CDH4: variants seen among roughly 807,000 people sequenced by gnomAD.
CDH4 encodes the protein cadherin-4.
Under a neutral mutation model 86.0 loss-of-function variants are expected in CDH4, and 33 were observed. That is an observed-to-expected ratio of 0.38 (90% CI 0.29 to 0.51). CDH4 has a LOEUF of 0.51. Ranked by LOEUF, CDH4 falls within the 20% of genes least tolerant of loss-of-function variation. The pLI, the probability that CDH4 is intolerant of heterozygous loss-of-function variation, is 0.86. For synonymous variants in CDH4, 555 were observed against 549.4 expected (o/e 1.01, Z -0.14); for missense variants, 1,114 against 1,307.4 (o/e 0.85, Z 2.28).
At chr20:61,920,497 C>T (rs1399601114) in intron 9 of CDH4, among the ~76,000 whole-genome samples, 2 of 146,784 alleles carry the variant, frequency 1.4e-5, no homozygotes, top group East Asian at 2.1e-4. Flanking sequence ...TGTGTGGAAG[C>T]GTGTCATGGT....
chr20:61,520,885 G>T (rs1461073564), intron 2 of CDH4, among the ~76,000 whole-genome samples: 1 of 152,224 alleles, frequency 6.6e-6, no homozygotes. Flanking sequence ...AGTTCAAACA[G>T]GCAACCGCAC....
At chr20:61,723,873 C>CAACAGGTGGGGTGGGTCCCCATACAGGG (rs1568778658) in intron 2 of CDH4, among the ~76,000 whole-genome samples, 1 of 151,726 alleles carries the variant, frequency 6.6e-6, no homozygotes, top group African/African-American at 2.4e-5. Flanking sequence ...CGGCTCCATG[C>CAACAGGTGGGGTGGGTCCCCATACAGGG]GGCAGGTGGG....
At chr20:61,859,699 A>G (rs1983229439) in intron 6 of CDH4, among the ~76,000 whole-genome samples, 1 of 152,220 alleles carries the variant, frequency 6.6e-6, no homozygotes, top group Non-Finnish European at 1.5e-5. Context: ...CAGGACATCC[A>G]TTGGGCACAT....
At chr20:61,316,381 T>C (rs549512735) in intron 2 of CDH4, among the ~76,000 whole-genome samples, 1 of 152,212 alleles carries the variant, frequency 6.6e-6, no homozygotes, top group Admixed American at 6.5e-5. Flanking sequence ...AGTTGAAGGC[T>C]CTAACAAGTT....
At chr20:61,454,264 C>T (rs1031304976) in intron 2 of CDH4, among the ~76,000 whole-genome samples, 1 of 152,132 alleles carries the variant, frequency 6.6e-6, no homozygotes, top group African/African-American at 2.4e-5. Context: ...GGAGTTTATA[C>T]TCAAGACGGG....
intron 2 of CDH4, chr20:61,739,041 G>C (rs1287384399): frequency 2.6e-5 from 4 of 152,316 alleles, no homozygotes; most frequent in African/African-American, 9.6e-5. Flanking sequence ...CTGGTACATC[G>C]AGGGAAAAGT....
chr20:61,485,919 A>G (rs1258789781), intron 2 of CDH4, among the ~76,000 whole-genome samples: 1 of 152,244 alleles, frequency 6.6e-6, no homozygotes, highest in Non-Finnish European at 1.5e-5. Flanking sequence ...GACTCCCAAC[A>G]CACGCACCCA....
intron 8 of CDH4, among the ~76,000 whole-genome samples, chr20:61,899,122 C>T (rs2122884386): frequency 6.6e-6 from 1 of 152,028 alleles, no homozygotes; most frequent in Admixed American, 6.6e-5. Flanking sequence ...TGTGAAACCC[C>T]ATCTCTACTA....
intron 2 of CDH4, among the ~76,000 whole-genome samples, chr20:61,674,180 G>A (rs752143023): frequency 4.6e-5 from 7 of 152,250 alleles, no homozygotes; most frequent in East Asian, 3.9e-4. Context: ...CACAGCACAC[G>A]CAAGGAAGAG....
chr20:61,466,145 A>G (rs901159119), intron 2 of CDH4, among the ~76,000 whole-genome samples: 15 of 152,186 alleles, frequency 9.9e-5, no homozygotes, highest in African/African-American at 3.6e-4. Context: ...CCCTTGTACC[A>G]CAACAGCCAG....
At chr20:61,286,453 G>A (rs536446697) in intron 2 of CDH4, among the ~76,000 whole-genome samples, 1 of 152,350 alleles carries the variant, frequency 6.6e-6, no homozygotes, top group East Asian at 1.9e-4. Context: ...TTCTGCGGAG[G>A]GCATGGATCA....
At chr20:61,888,225 A>G (rs1984634250) in intron 7 of CDH4, among the ~76,000 whole-genome samples, 1 of 152,198 alleles carries the variant, frequency 6.6e-6, no homozygotes, top group Non-Finnish European at 1.5e-5. Flanking sequence ...GAGACTCCGC[A>G]GGCAGGATCC....
intron 2 of CDH4, among the ~76,000 whole-genome samples, chr20:61,633,490 C>T (rs1269547986): frequency 6.6e-5 from 10 of 152,152 alleles, no homozygotes; most frequent in Non-Finnish European, 2.9e-5. Flanking sequence ...ATCCATCCAC[C>T]CATGCATCTG....
intron 7 of CDH4, among the ~76,000 whole-genome samples, chr20:61,876,738 G>A (rs1393656148): frequency 6.6e-6 from 1 of 152,172 alleles, no homozygotes; most frequent in East Asian, 1.9e-4. Context: ...TGGGGTTGAG[G>A]GGGTCCCTGT....
intron 14 of CDH4, among the ~76,000 whole-genome samples, chr20:61,933,339 T>C (rs919884778): frequency 2.6e-5 from 4 of 152,198 alleles, no homozygotes; most frequent in Admixed American, 6.5e-5. Context: ...CCTCCCATCC[T>C]CGCCTTCTTC....
chr20:61,268,331 T>C (rs2084167630), intron 2 of CDH4, among the ~76,000 whole-genome samples: 1 of 152,180 alleles, frequency 6.6e-6, no homozygotes, highest in African/African-American at 2.4e-5. Context: ...TCTCGGAGCA[T>C]CTCAGCCAGA....
chr20:61,449,244 C>CG (rs72381887), intron 2 of CDH4, among the ~76,000 whole-genome samples: 21 of 152,120 alleles, frequency 1.4e-4, no homozygotes, highest in African/African-American at 4.3e-4. Context: ...TTTATCTCCA[C>CG]GGGGGGGCCG....
chr20:61,458,762 GTGA>G (rs1256990383), intron 2 of CDH4, among the ~76,000 whole-genome samples: 2 of 151,912 alleles, frequency 1.3e-5, no homozygotes, highest in African/African-American at 2.4e-5. Flanking sequence ...AGTGGTGGTA[GTGA>G]TGATGATGGT....
chr20:61,647,556 T>TCC (rs2087076627), intron 2 of CDH4, among the ~76,000 whole-genome samples: 5 of 105,788 alleles, frequency 4.7e-5, no homozygotes, highest in African/African-American at 1.7e-4. Context: ...CCTCTCCCTC[T>TCC]CCCTCTCCCT....
Sources: allele counts gnomAD v4.1 joint callset (sites outside exome capture counted in the v4.1 genomes callset), GRCh38; gene constraint gnomAD v4.1.1; transcripts MANE v1.5; gene names NCBI Gene and HGNC (gene_info 2026-07-23, HGNC 2026-07-21).